PCDHGA10: variants seen among roughly 807,000 people sequenced by gnomAD.
PCDHGA10 encodes the protein protocadherin gamma subfamily A, 10, also known as protocadherin gamma-A10.
In PCDHGA10, 42 loss-of-function variants were observed where a neutral mutation model predicts 59.5. The observed-to-expected ratio is 0.71, with a 90% CI of 0.55 to 0.91. PCDHGA10 has a LOEUF of 0.91. PCDHGA10 is among the 40% of genes least tolerant of loss of function. The probability of loss-of-function intolerance (pLI) is 0.00; values close to 1 mark genes in which losing one functional copy is unlikely to be tolerated. For missense variants in PCDHGA10, 1,111 were observed against 1,198.2 expected, an observed-to-expected ratio of 0.93 and a Z score of 1.07; for synonymous variants, 511 against 517.2, an observed-to-expected ratio of 0.99 and a Z score of 0.16.
In PCDHGA10 at chr5:141,413,407, CT is replaced by C. The variant is rs758693256; in HGVS notation, c.236del (p.Phe79SerfsTer3). The C allele has an allele frequency of 1.9e-6, 3 of 1,613,926 alleles. No individual in the cohort carries two copies. The highest frequency in any genetic ancestry group is 2.5e-6 in the Non-Finnish European group (3 of 1,179,946). On this transcript the variant is annotated frameshift_variant, in exon 1 of 4. Transcript: ENST00000398610. LOFTEE classifies it high-confidence loss of function. ...VRIVSRGRTQLFSLNPRSGSL... is the reference protein window; with the variant it reads ...VRIVSRGRTQXFSLNPRSGSL... Reference sequence around the variant, plus strand: ...CATAGTCTCCAGAGGTAGGACGCAGCTTTTCTCTCTGAACCCGCGCAGCGGC... The same window carrying C: ...CATAGTCTCCAGAGGTAGGACGCAGCTTTCTCTCTGAACCCGCGCAGCGGC...
rs923860929 is a variant in PCDHGA10 at position 141,413,829 on chromosome 5, C to T, written c.654C>T (p.Ala218=). The T allele has an allele frequency of 1.1e-5, 18 of 1,613,176 alleles. No individual in the cohort carries two copies. Among genetic ancestry groups the T allele is most frequent in the Non-Finnish European group, 1.4e-5 (17 of 1,179,892 alleles). ...EEAIHHLVLT[A]SDGGDPLRSG... ...CCATTCACCACCTGGTCCTCACCGC[C>T]TCCGACGGGGGTGACCCTCTCCGAT... Residue 218 remains alanine (A), a synonymous_variant, in exon 1 of 4, where the codon GCC becomes GCT. Transcript: ENST00000398610.
intron 1 of PCDHGA10, among the ~76,000 whole-genome samples, chr5:141,453,225 C>T (rs2098758997): frequency 6.6e-6 from 1 of 152,044 alleles, no homozygotes; most frequent in African/African-American, 2.4e-5. Context: ...GCGATCCTCC[C>T]ACCTCAGCCT....
At position 141,415,512 on chromosome 5, in the gene PCDHGA10, T is replaced by G. The variant is rs997659180; in HGVS notation, c.2337T>G (p.Tyr779Ter). The change falls in exon 1 of 4, where the codon TAT (tyrosine) becomes TAG (stop). Residue 779 changes from tyrosine (Y) to a stop codon, truncating the protein, a stop_gained. Coordinates refer to ENST00000398610, the MANE Select transcript of PCDHGA10 (RefSeq NM_018913.3). LOFTEE classifies it high-confidence loss of function. ...ACCTGATCTTCCCCCAGCCCAATTA[T>G]GCGGACACGCTCATCAGCCAGGAGA... The part of the protein sequence containing the change: ...KSHLIFPQPN[Y>*]ADTLISQESC... The G allele has an allele frequency of 3.1e-6, 5 of 1,614,234 alleles. No individual in the cohort carries two copies. The highest frequency in any genetic ancestry group is 4.2e-6 in the Non-Finnish European group (5 of 1,180,050).
Position 141,413,081 on chromosome 5 carries a change from C to CAG in PCDHGA10, c.-91_-90dup. 7.5e-7 allele frequency: 1 copy of CAG among 1,339,426 alleles called. No homozygotes were observed. The highest frequency in any genetic ancestry group is 1.5e-5 in the South Asian group (1 of 67,882). The allele number at this position is 1,339,426 out of a possible 1,614,324, so 83.0% of individuals were successfully genotyped here. On this transcript the variant is annotated 5_prime_UTR_variant, in exon 1 of 4. Coordinates refer to ENST00000398610, the MANE Select transcript of PCDHGA10 (RefSeq NM_018913.3). ...TCCAGAATTTAAAGTGCCCAGGCTA[C>CAG]AGAGACACCCTGAAGCCACAGAAAG... is the stretch of plus-strand genomic sequence containing the variant.
chr5:141,421,863 C>T (rs767555107), intron 1 of PCDHGA10: 1 of 1,613,746 alleles, frequency 6.2e-7, no homozygotes, highest in Non-Finnish European at 8.5e-7. Flanking sequence ...ACCTGCTCCT[C>T]CTCACAGCTT....
chr5:141,418,370 C>G (rs910813828), intron 1 of PCDHGA10: 1 of 1,613,822 alleles, frequency 6.2e-7, no homozygotes, highest in African/African-American at 1.3e-5. Flanking sequence ...GAGCAAATAC[C>G]AACTAAGTCC....
At chr5:141,421,717 G>T in intron 1 of PCDHGA10, 2 of 1,613,932 alleles carry the variant, frequency 1.2e-6, no homozygotes, top group East Asian at 4.5e-5. Context: ...TCCAGATGTG[G>T]GCGTGAACTC....
intron 1 of PCDHGA10, among the ~76,000 whole-genome samples, chr5:141,452,529 G>A (rs758947494): frequency 1.3e-5 from 2 of 152,176 alleles, no homozygotes; most frequent in Non-Finnish European, 2.9e-5. Context: ...AAAATCGTGA[G>A]TTCATATTGA....
At position 141,486,720 on chromosome 5, in the gene PCDHGA10, C is replaced by G; in HGVS notation, c.2437-8087C>G. ...ATCTCTCTGAACCCCCAGACAGGAG[C>G]TGTTCATGCTACTCGATCCTTTGAC... On this transcript the variant is annotated intron_variant, in intron 1 of 3. Coordinates refer to ENST00000398610, the MANE Select transcript of PCDHGA10 (RefSeq NM_018913.3). This position sits in a 1 kb window ranked among gnomAD's most constrained non-coding sequence, Gnocchi z 5.0. The G allele has an allele frequency of 6.2e-7, 1 of 1,614,216 alleles. No homozygotes were observed. Among genetic ancestry groups the G allele is most frequent in the Non-Finnish European group, 8.5e-7 (1 of 1,180,038 alleles).
chr5:141,454,796 A>ATTTTTTTT (rs61612330), intron 1 of PCDHGA10, among the ~76,000 whole-genome samples: 1,488 of 77,444 alleles, frequency 0.019, 251 homozygotes, highest in African/African-American at 0.042. Flanking sequence ...CATGGTTCTA[A>ATTTTTTTT]TTTTTTTTTT....
chr5:141,461,813 C>T (rs2099023751), intron 1 of PCDHGA10, among the ~76,000 whole-genome samples: 1 of 151,846 alleles, frequency 6.6e-6, no homozygotes, highest in African/African-American at 2.4e-5. Flanking sequence ...ACCACCACAC[C>T]CAGCTAATTT....
At position 141,413,357 on chromosome 5, in the gene PCDHGA10, G is replaced by C; in HGVS notation, c.182G>C (p.Arg61Pro). Residue 61 changes from arginine to proline, a missense_variant, in exon 1 of 4, where the codon CGG becomes CCG. Physicochemically the swap from Arg to Pro is moderately radical, Grantham distance 103. Transcript: ENST00000398610. The stretch of plus-strand genomic sequence containing the variant: ...TCCAAGGACTTGGGTCTGGCGCCCC[G>C]GGAGCTGGCGGAGCGCGGAGTCCGC... Reference protein sequence around the residue: ...NISKDLGLAPRELAERGVRIV... With the variant: ...NISKDLGLAPPELAERGVRIV... The C allele has an allele frequency of 6.2e-7, 1 of 1,613,992 alleles. No homozygotes were observed. The highest frequency in any genetic ancestry group is 8.5e-7 in the Non-Finnish European group (1 of 1,179,900).
At chr5:141,494,362 A>T (rs527454959) in intron 1 of PCDHGA10, among the ~76,000 whole-genome samples, 47 of 152,300 alleles carry the variant, frequency 3.1e-4, no homozygotes, top group Admixed American at 8.5e-4. Context: ...GCTGCAGAGG[A>T]TGCTTTGTTC....
At chr5:141,419,674 C>T (rs372932653) in intron 1 of PCDHGA10, 48 of 1,612,820 alleles carry the variant, frequency 3.0e-5, no homozygotes, top group Non-Finnish European at 3.7e-5. Context: ...CCTGGCTGTC[C>T]TACCACGTGG....
chr5:141,481,021 GC>G (rs2099529893), intron 1 of PCDHGA10, among the ~76,000 whole-genome samples: 1 of 152,076 alleles, frequency 6.6e-6, no homozygotes, highest in Non-Finnish European at 1.5e-5. Context: ...TCACACCACT[GC>G]ACTCCAGCCT....
At chr5:141,435,271 T>C (rs1242477213) in intron 1 of PCDHGA10, among the ~76,000 whole-genome samples, 1 of 152,216 alleles carries the variant, frequency 6.6e-6, no homozygotes, top group African/African-American at 2.4e-5. Context: ...CCATTTATAC[T>C]TTCTCAGTAT....
intron 1 of PCDHGA10, among the ~76,000 whole-genome samples, chr5:141,455,580 T>C (rs572453788): frequency 6.6e-6 from 1 of 152,142 alleles, no homozygotes; most frequent in East Asian, 1.9e-4. Flanking sequence ...ACCCCAGCCT[T>C]TTAATATGCA....
intron 1 of PCDHGA10, chr5:141,478,529 A>G: frequency 6.2e-7 from 1 of 1,609,580 alleles, no homozygotes; most frequent in Non-Finnish European, 8.5e-7. Flanking sequence ...GGGTGCAGAG[A>G]GCGCCCCTCC....
chr5:141,450,110 G>C (rs2098669636), intron 1 of PCDHGA10, among the ~76,000 whole-genome samples: 1 of 147,716 alleles, frequency 6.8e-6, no homozygotes. Context: ...AGGTTCAAAT[G>C]ATTCTCCTGC....
Sources: gnomAD v4.1 joint callset for allele counts (sites outside exome capture counted in the v4.1 genomes callset) on GRCh38, gnomAD v4.1.1 for gene constraint, Gnocchi (gnomAD v3.1) non-coding constraint, MANE v1.5 for transcripts, NCBI Gene and HGNC (gene_info 2026-07-23, HGNC 2026-07-21) for gene names.